RNF213: variants seen among roughly 807,000 people sequenced by gnomAD.
The protein encoded by RNF213 is ring finger protein 213, also known as E3 ubiquitin-protein ligase RNF213.
A neutral mutation model predicts 514.4 loss-of-function variants in RNF213; 341 were observed. That is an observed-to-expected ratio of 0.66 (90% CI 0.61 to 0.73). The LOEUF (loss-of-function observed/expected upper bound fraction) is 0.73, where lower values mean the gene tolerates loss of function less well. Ranked by LOEUF, RNF213 falls within the 30% of genes least tolerant of loss-of-function variation. RNF213 has a pLI of 0.00. For missense variants in RNF213, 5,767 were observed against 6,615.6 expected (o/e 0.87, Z 4.45); for synonymous variants, 2,655 against 2,658.2 (o/e 1.00, Z 0.04).
chr17:80,338,675 T>A (rs2078059003), intron 25 of RNF213, among the ~76,000 whole-genome samples: 1 of 150,286 alleles, frequency 6.7e-6, no homozygotes, highest in South Asian at 2.1e-4. Context: ...TTAAAAAAAT[T>A]AAAACAGTCC....
chr17:80,383,509 C>A (rs775550796), intron 58 of RNF213, among the ~76,000 whole-genome samples, 168 bp from the exon 59 acceptor site: 1 of 146,494 alleles, frequency 6.8e-6, no homozygotes, highest in Non-Finnish European at 1.5e-5. Flanking sequence ...CATCTATAAA[C>A]AAACAACACT....
chr17:80,317,198 G>A lies in RNF213; in HGVS notation c.2822G>A (p.Arg941Gln), dbSNP rs139654482. The A allele has an allele frequency of 1.5e-5, 24 of 1,612,144 alleles. No homozygotes were observed. Among genetic ancestry groups the A allele is most frequent in the South Asian group, 1.0e-4 (9 of 90,044 alleles). Residue 941 changes from arginine (R) to glutamine (Q), a missense_variant, in exon 16 of 68, where the codon CGG becomes CAG. Transcript: ENST00000582970. The surrounding 1 kb of genome is among the most constrained non-coding windows in gnomAD (Gnocchi z 4.1). Reference protein sequence around the residue: ...TYVKEIEVWRRLVEIQFPAEH... With the variant: ...TYVKEIEVWRQLVEIQFPAEH... Reference sequence around the variant, plus strand: ...GTGCGGGTTTTGCAGGTCTGGAGGCGGCTGGTGGAAATCCAATTCCCCGCG... The same window carrying A: ...GTGCGGGTTTTGCAGGTCTGGAGGCAGCTGGTGGAAATCCAATTCCCCGCG...
Position 80,337,258 on chromosome 17 carries a change from G to A in RNF213, c.4528-328G>A, listed in dbSNP as rs577788425. Among the ~76,000 whole-genome samples, 10 of 152,334 alleles carry A rather than the reference G, an allele frequency of 6.6e-5. No individual in the cohort carries two copies. The East Asian group carries it at 9.6e-4, about 15-fold the overall frequency. On this transcript the variant is annotated intron_variant, in intron 23 of 67. Coordinates refer to ENST00000582970, the MANE Select transcript of RNF213 (RefSeq NM_001256071.3). The stretch of plus-strand genomic sequence containing the variant: ...ATTGGGGACCTGGCAGAATGATGGC[G>A]TCTGGTAGAGAGGCAGGCGGGCGGC...
chr17:80,319,611 C>T, intron 17 of RNF213: 1 of 1,542,686 alleles, frequency 6.5e-7, no homozygotes, highest in Non-Finnish European at 8.7e-7. Flanking sequence ...CCTCAGATGG[C>T]CCTGTCATCA....
chr17:80,316,156 G>A (rs1468033221), intron 15 of RNF213: 1 of 152,200 alleles, frequency 6.6e-6, no homozygotes, highest in Non-Finnish European at 1.5e-5. Flanking sequence ...GGAAGCCTAG[G>A]TGGAAGGGTG....
intron 46 of RNF213, among the ~76,000 whole-genome samples, chr17:80,370,912 A>G (rs1024435562): frequency 1.3e-5 from 2 of 152,234 alleles, no homozygotes; most frequent in African/African-American, 4.8e-5. Flanking sequence ...GCTGAAATTA[A>G]AATTTTGAAA....
chr17:80,331,964 AT>A, intron 20 of RNF213, 41 bp from the exon 21 acceptor site: 1 of 1,516,678 alleles, frequency 6.6e-7, no homozygotes, highest in Non-Finnish European at 8.8e-7. Flanking sequence ...TGGAATCATG[AT>A]TAGAGCTTTG....
At position 80,348,120 on chromosome 17, in the gene RNF213, C is replaced by G; in HGVS notation, c.9785C>G (p.Ala3262Gly). 1 of 1,614,126 alleles carries G rather than the reference C, an allele frequency of 6.2e-7. No homozygotes were observed. The highest frequency in any genetic ancestry group is 8.5e-7 in the Non-Finnish European group (1 of 1,180,050). ...EEAKSILLNC[A>G]TPDAVVRLSA... ...GCCAAATCGATCCTGCTGAACTGCG[C>G]TACGCCCGATGCCGTGGTCCGGCTG... is the stretch of plus-strand genomic sequence containing the variant. Residue 3262 changes from alanine (A) to glycine (G), a missense_variant, in exon 29 of 68, where the codon GCT becomes GGT. Around this residue, in one of 13 missense-constraint regions of RNF213, gnomAD observed 919 missense variants for 1,121.0 expected, o/e 0.82. Coordinates refer to ENST00000582970, the MANE Select transcript of RNF213 (RefSeq NM_001256071.3).
intron 40 of RNF213, 56 bp from the exon 41 acceptor site, chr17:80,363,553 T>C: frequency 6.3e-7 from 1 of 1,594,408 alleles, no homozygotes; most frequent in East Asian, 2.2e-5. Flanking sequence ...CCGGGGCCTC[T>C]GGTGGGCCGG....
chr17:80,313,253 GC>G (rs1469904938), intron 15 of RNF213, 86 bp downstream of exon 15: 8 of 1,551,096 alleles, frequency 5.2e-6, no homozygotes, highest in Non-Finnish European at 7.1e-6. Context: ...CAGGCTGCTG[GC>G]CAGGGGCAGT....
At chr17:80,297,463 A>AAT (rs201850343) in intron 10 of RNF213, among the ~76,000 whole-genome samples, 10 of 145,182 alleles carry the variant, frequency 6.9e-5, no homozygotes, top group Non-Finnish European at 4.5e-5. Context: ...AAAAAAAAAA[A>AAT]GTTGTTTTGG....
Position 80,345,160 on chromosome 17 carries a change from G to A in RNF213, c.6825G>A (p.Gly2275=), listed in dbSNP as rs749449733. The part of the protein sequence containing the change: ...PSLHTSDQSP[G]KHMVTMDGVR... ...TCCACACCTCTGACCAAAGCCCGGGGAAGCACATGGTCACCATGGATGGGG... is the reference window on the plus strand; with the variant it reads ...TCCACACCTCTGACCAAAGCCCGGGAAAGCACATGGTCACCATGGATGGGG... The change falls in exon 29 of 68, where the codon GGG becomes GGA. Residue 2275 remains glycine, a synonymous_variant. Transcript: ENST00000582970. The surrounding 1 kb of genome is among the most constrained non-coding windows in gnomAD (Gnocchi z 6.0). The A allele has an allele frequency of 1.9e-6, 3 of 1,613,982 alleles. No homozygotes were observed. The African/African-American group carries it at 4.0e-5, about 22-fold the overall frequency.
At chr17:80,344,186 A>G (rs2078241510) in intron 28 of RNF213, among the ~76,000 whole-genome samples, 171 bp downstream of exon 28, 1 of 152,204 alleles carries the variant, frequency 6.6e-6, no homozygotes, top group African/African-American at 2.4e-5. Context: ...CTTTTTAATC[A>G]TGTCTGGGAT....
rs146731742 is a variant in RNF213 at position 80,372,631 on chromosome 17, G to A, written c.12648G>A (p.Glu4216=). ...ATTCTCCAGCAAGCCGGGGCCGAGA[G>A]CCTGCCAACGAGGCCTCGGTTGAAT... ...KAYSPASRGR[E]PANEASVEYL... Residue 4216 remains glutamate, a synonymous_variant, in exon 48 of 68, where the codon GAG becomes GAA. Coordinates refer to ENST00000582970, the MANE Select transcript of RNF213 (RefSeq NM_001256071.3). 538 of 1,614,078 alleles carry A rather than the reference G, an allele frequency of 3.3e-4. 4 individuals carry two copies. In the East Asian group the frequency reaches 0.01, roughly 31 times the overall value.
chr17:80,389,590 A>G (rs778027720), intron 65 of RNF213, among the ~76,000 whole-genome samples: 79 of 152,314 alleles, frequency 5.2e-4, no homozygotes, highest in Non-Finnish European at 6.5e-4. Context: ...TAGAGCCCAA[A>G]TGTGACTGAG....
Position 80,390,215 on chromosome 17 carries a change from AT to A in RNF213, c.15470+20del. ...AGTGGAGGTATGGATTTGCACACCT[AT>A]GGGGCGGGGCAGACACAATGTTGTG... is the stretch of plus-strand genomic sequence containing the variant. On this transcript the variant is annotated intron_variant, in intron 67 of 67. Coordinates refer to ENST00000582970, the MANE Select transcript of RNF213 (RefSeq NM_001256071.3). The A allele has an allele frequency of 1.2e-6, 2 of 1,611,620 alleles. No individual in the cohort carries two copies. Among genetic ancestry groups the A allele is most frequent in the Non-Finnish European group, 1.7e-6 (2 of 1,178,154 alleles).
chr17:80,337,110 CAAAA>C (rs1403617402), intron 23 of RNF213, among the ~76,000 whole-genome samples: 1 of 152,164 alleles, frequency 6.6e-6, no homozygotes, highest in African/African-American at 2.4e-5. Context: ...AGTTTCCAAA[CAAAA>C]CCCTCTGTTG....
In RNF213 at chr17:80,383,610, G is replaced by C. The variant is rs549588379; in HGVS notation, c.14071-67G>C. 45 of 1,545,726 alleles carry C rather than the reference G, an allele frequency of 2.9e-5. No homozygotes were observed. The East Asian group carries it at 1.0e-3, about 35-fold the overall frequency. On this transcript the variant is annotated intron_variant, in intron 58 of 67. Transcript: ENST00000582970. ...GCAGACACCCACTGGTGGAGTTACT[G>C]GGTGTTACAATCTGTTTGTAGCAAT...
rs2079789786 is a variant in RNF213, at chr17:80,377,056, TG to T, written c.13510+95del. On this transcript the variant is annotated intron_variant, in intron 53 of 67. Coordinates refer to ENST00000582970, the MANE Select transcript of RNF213 (RefSeq NM_001256071.3). The surrounding 1 kb of genome is among the most constrained non-coding windows in gnomAD (Gnocchi z 4.1). Reference sequence around the variant, plus strand: ...CATTGGGTTCGACTTGGGGTCCACGTGGTTTGTGCCTCAGGGTCCAAAACCA... The same window carrying T: ...CATTGGGTTCGACTTGGGGTCCACGTGTTTGTGCCTCAGGGTCCAAAACCA... 2 of 1,020,286 alleles carry T rather than the reference TG, an allele frequency of 2.0e-6. No homozygotes were observed. Among genetic ancestry groups the T allele is most frequent in the Admixed American group, 2.0e-5 (1 of 51,074 alleles). 63.2% of individuals were successfully genotyped at this position (1,020,286 alleles called of 1,614,324 possible).
Sources: gnomAD v4.1 joint callset for allele counts (sites outside exome capture counted in the v4.1 genomes callset) on GRCh38, gnomAD v4.1.1 for gene constraint, gnomAD v4.1.1 regional missense constraint, Gnocchi (gnomAD v3.1) non-coding constraint, MANE v1.5 for transcripts, NCBI Gene and HGNC (gene_info 2026-07-23, HGNC 2026-07-21) for gene names.